The following ENTREP2 variants were observed in gnomAD, a reference collection of about 807,000 sequenced individuals.
The protein encoded by ENTREP2 is endosomal transmembrane epsin interactor 2, also known as protein ENTREP2.
chr15:29,611,012 T>G, the ENTREP2 span: 1 of 152,330 alleles, frequency 6.6e-6, no homozygotes, highest in South Asian at 2.1e-4. Flanking sequence ...GATGTGATGT[T>G]CAAAGAAACG....
At chr15:29,156,797 A>G in the ENTREP2 span, among the ~76,000 whole-genome samples, 2 of 152,186 alleles carry the variant, frequency 1.3e-5, no homozygotes, top group Non-Finnish European at 2.9e-5. Context: ...CGCGTGGGCC[A>G]GGGACTGTGG....
At chr15:29,155,777 G>A in the ENTREP2 span, among the ~76,000 whole-genome samples, 2 of 152,138 alleles carry the variant, frequency 1.3e-5, no homozygotes, top group East Asian at 1.9e-4. Flanking sequence ...CAGGGATCAG[G>A]GTTCTTCATT....
the ENTREP2 span, among the ~76,000 whole-genome samples, chr15:29,319,668 C>T: frequency 6.6e-6 from 1 of 152,216 alleles, no homozygotes; most frequent in Non-Finnish European, 1.5e-5. Flanking sequence ...AACTCAGCAA[C>T]CTTTCTTGGA....
At chr15:29,446,206 C>T in the ENTREP2 span, among the ~76,000 whole-genome samples, 1 of 152,118 alleles carries the variant, frequency 6.6e-6, no homozygotes, top group Non-Finnish European at 1.5e-5. Flanking sequence ...GAACTGTGAG[C>T]AATAAATGCC....
chr15:29,412,291 A>AT, the ENTREP2 span, among the ~76,000 whole-genome samples: 10 of 151,874 alleles, frequency 6.6e-5, no homozygotes, highest in African/African-American at 2.2e-4. Context: ...CAAATTACAT[A>AT]TTTTTTCTTA....
the ENTREP2 span, among the ~76,000 whole-genome samples, chr15:29,391,355 C>G: frequency 6.6e-6 from 1 of 151,956 alleles, no homozygotes; most frequent in Non-Finnish European, 1.5e-5. Context: ...CTCATAATGT[C>G]CCTGAGAAAA....
At chr15:29,551,172 G>C in the ENTREP2 span, among the ~76,000 whole-genome samples, 1 of 152,152 alleles carries the variant, frequency 6.6e-6, no homozygotes, top group Non-Finnish European at 1.5e-5. Flanking sequence ...GAAATGTAGA[G>C]GCAAAAGCTC....
At chr15:29,384,467 C>A in the ENTREP2 span, among the ~76,000 whole-genome samples, 3 of 152,144 alleles carry the variant, frequency 2.0e-5, no homozygotes, top group African/African-American at 4.8e-5. Context: ...TCCTCCCTCC[C>A]CACTGAAGCC....
chr15:29,318,043 G>A, the ENTREP2 span, among the ~76,000 whole-genome samples: 2 of 152,172 alleles, frequency 1.3e-5, no homozygotes, highest in Admixed American at 6.5e-5. Context: ...GATTAGAGGT[G>A]TAAATTTTCC....
chr15:29,382,965 C>T, the ENTREP2 span, among the ~76,000 whole-genome samples: 1 of 152,168 alleles, frequency 6.6e-6, no homozygotes. Flanking sequence ...GCTGAGGCTC[C>T]CTCCCATCTG....
the ENTREP2 span, chr15:29,123,139 A>T: frequency 1.8e-6 from 1 of 562,130 alleles, no homozygotes; most frequent in Non-Finnish European, 3.1e-6. Flanking sequence ...TGCAATCCCC[A>T]AAGAGACACT....
the ENTREP2 span, among the ~76,000 whole-genome samples, chr15:29,644,421 A>G: frequency 2.0e-5 from 3 of 152,238 alleles, no homozygotes; most frequent in Non-Finnish European, 2.9e-5. Flanking sequence ...TATATAAATG[A>G]TATCTCAATA....
At chr15:29,212,262 G>A in the ENTREP2 span, among the ~76,000 whole-genome samples, 2 of 152,082 alleles carry the variant, frequency 1.3e-5, no homozygotes, top group Non-Finnish European at 2.9e-5. Context: ...GTTTATGTGT[G>A]TAAAGTTATT....
chr15:29,511,630 AGT>A, the ENTREP2 span, among the ~76,000 whole-genome samples: 1 of 151,696 alleles, frequency 6.6e-6, no homozygotes, highest in Non-Finnish European at 1.5e-5. Context: ...CCCGACTGAG[AGT>A]GTCAGAGATT....
chr15:29,233,671 G>T, the ENTREP2 span: 1 of 1,004,076 alleles, frequency 1.0e-6, no homozygotes. Context: ...ATGGATGGAT[G>T]GGCATAGCGC....
chr15:29,489,710 T>C, the ENTREP2 span, among the ~76,000 whole-genome samples: 1 of 152,094 alleles, frequency 6.6e-6, no homozygotes, highest in African/African-American at 2.4e-5. Flanking sequence ...AGCCTGCAGC[T>C]CTATGAAGGA....
chr15:29,650,614 A>G, the ENTREP2 span, among the ~76,000 whole-genome samples: 4 of 152,018 alleles, frequency 2.6e-5, no homozygotes, highest in Non-Finnish European at 5.9e-5. Context: ...AAAACAAAAA[A>G]AAAAAATTCT....
At chr15:29,657,483 C>CGGGGGGGGGGGGG in the ENTREP2 span, among the ~76,000 whole-genome samples, 16 of 69,424 alleles carry the variant, frequency 2.3e-4, 1 homozygote, top group Admixed American at 5.1e-4. Context: ...GCTGGGGGGG[C>CGGGGGGGGGGGGG]GGGGGGGGGG....
the ENTREP2 span, among the ~76,000 whole-genome samples, chr15:29,447,652 G>GA: frequency 1.8e-5 from 2 of 111,556 alleles, no homozygotes. Flanking sequence ...AGACCTGGCT[G>GA]ATTTTTTTTT....
Sources: gnomAD v4.1 joint callset for allele counts (sites outside exome capture counted in the v4.1 genomes callset) on GRCh38, gnomAD v4.1.1 for gene constraint, MANE v1.5 for transcripts, NCBI Gene and HGNC (gene_info 2026-07-23, HGNC 2026-07-21) for gene names.